Variants in SORCS2 observed in about 807,000 individuals in gnomAD.
SORCS2 encodes the protein VPS10 domain-containing receptor SorCS2.
A neutral mutation model predicts 141.6 loss-of-function variants in SORCS2; 100 were observed. The observed-to-expected ratio is 0.71, with a 90% CI of 0.60 to 0.83. The LOEUF is 0.83. Among genes scored for constraint, SORCS2 ranks in the 40% least tolerant of loss-of-function variants. SORCS2 has a pLI of 0.00. For missense variants in SORCS2, 1,646 were observed against 1,560.2 expected, an observed-to-expected ratio of 1.05 and a Z score of -0.93; for synonymous variants, 789 against 676.9, an observed-to-expected ratio of 1.17 and a Z score of -2.57.
intron 1 of SORCS2, among the ~76,000 whole-genome samples, chr4:7,309,776 T>C (rs978046952): frequency 2.6e-5 from 4 of 152,106 alleles, no homozygotes; most frequent in Non-Finnish European, 4.4e-5. Context: ...TGTGTAGCTG[T>C]GTCCAGGCTG....
chr4:7,202,095 C>T (rs1727513102), intron 1 of SORCS2, among the ~76,000 whole-genome samples: 2 of 152,192 alleles, frequency 1.3e-5, no homozygotes, highest in South Asian at 4.1e-4. Flanking sequence ...GTACCTCTCT[C>T]CCCGCTCCCA....
rs1443123817 is a variant in SORCS2 at position 7,193,255 on chromosome 4, C to T, written c.480+129C>T. 1 of 1,207,622 alleles carries T rather than the reference C, an allele frequency of 8.3e-7. No individual in the cohort carries two copies. Among genetic ancestry groups the T allele is most frequent in the Non-Finnish European group, 1.1e-6 (1 of 946,848 alleles). 74.8% of individuals were successfully genotyped at this position (1,207,622 alleles called of 1,614,324 possible). On this transcript the variant is annotated intron_variant, in intron 1 of 26. Transcript: ENST00000507866. The surrounding 1 kb of genome is among the most constrained non-coding windows in gnomAD (Gnocchi z 4.8). The stretch of plus-strand genomic sequence containing the variant: ...AGGGGCGGGTTCTTGGCGACTTGGG[C>T]ACTTGGGTCACCTCGGCCGCGCCCC...
chr4:7,653,917 C>T (rs1287362883), intron 4 of SORCS2, among the ~76,000 whole-genome samples: 1 of 152,236 alleles, frequency 6.6e-6, no homozygotes, highest in Admixed American at 6.5e-5. Context: ...ACCTCATCTC[C>T]TGGCTCCTGC....
At chr4:7,515,016 G>A (rs944623158) in intron 2 of SORCS2, among the ~76,000 whole-genome samples, 1 of 152,206 alleles carries the variant, frequency 6.6e-6, no homozygotes, top group Admixed American at 6.5e-5. Flanking sequence ...GGACAACCCA[G>A]ACTTGTGGCG....
intron 3 of SORCS2, among the ~76,000 whole-genome samples, chr4:7,597,131 TA>T (rs1717321899): frequency 6.8e-6 from 1 of 146,272 alleles, no homozygotes; most frequent in Non-Finnish European, 1.5e-5. Context: ...GCTATTGCAA[TA>T]GGGGAGGGGA....
At chr4:7,545,820 C>A (rs11721353) in intron 3 of SORCS2, among the ~76,000 whole-genome samples, 5 of 152,108 alleles carry the variant, frequency 3.3e-5, no homozygotes, top group Admixed American at 1.3e-4. Context: ...CCTCCGTCAG[C>A]TCGGATGGCT....
chr4:7,215,236 C>T (rs1421881958), intron 1 of SORCS2, among the ~76,000 whole-genome samples: 7 of 152,162 alleles, frequency 4.6e-5, no homozygotes, highest in African/African-American at 1.7e-4. Flanking sequence ...GCAGGCCGGC[C>T]CTGCTGGCCC....
At chr4:7,401,878 T>G (rs1724616993) in intron 2 of SORCS2, among the ~76,000 whole-genome samples, 1 of 152,178 alleles carries the variant, frequency 6.6e-6, no homozygotes, top group African/African-American at 2.4e-5. Context: ...GGATAGGAAG[T>G]GATTCTTTTT....
intron 2 of SORCS2, among the ~76,000 whole-genome samples, chr4:7,488,029 G>T (rs114118240): frequency 0.011 from 1,701 of 152,306 alleles, 9 homozygotes; most frequent in Non-Finnish European, 0.017. Flanking sequence ...GTAGCCCTGC[G>T]ATGGCCAGTA....
intron 2 of SORCS2, among the ~76,000 whole-genome samples, chr4:7,407,828 T>A (rs562934973): frequency 6.6e-6 from 1 of 152,234 alleles, no homozygotes; most frequent in East Asian, 1.9e-4. Context: ...TGATACTTAT[T>A]TTTATTAAAT....
In SORCS2 at chr4:7,549,298, T is replaced by G. The variant is rs180760328; in HGVS notation, c.648+17669T>G. 3.5e-3 allele frequency among the ~76,000 whole-genome samples: 526 copies of G among 152,226 alleles called. 8 individuals carry two copies. Among genetic ancestry groups the G allele is most frequent in the African/African-American group, 0.012 (493 of 41,534 alleles). ...GCTTCTTTCAACTCAGCAGCAAGTC[T>G]ATCGATTTGAAGCTTGAAAGGAACT... On this transcript the variant is annotated intron_variant, in intron 3 of 26. Transcript: ENST00000507866.
chr4:7,386,131 G>A (rs531045763), intron 1 of SORCS2, among the ~76,000 whole-genome samples: 25 of 150,398 alleles, frequency 1.7e-4, no homozygotes, highest in South Asian at 1.1e-3. Flanking sequence ...ATGTACACAC[G>A]CACACATGCA....
chr4:7,235,956 A>C lies in SORCS2; in HGVS notation c.480+42830A>C, dbSNP rs546279394. Among the ~76,000 whole-genome samples the C allele has an allele frequency of 1.5e-4, 23 of 152,278 alleles. No homozygotes were observed. In the East Asian group the frequency reaches 3.7e-3, roughly 24 times the overall value. The stretch of plus-strand genomic sequence containing the variant: ...GTTGCCAAGCCTTGAAAGAGTCTCC[A>C]CGCACTCATAAATCTTTACTAGATG... On this transcript the variant is annotated intron_variant, in intron 1 of 26. Transcript: ENST00000507866.
At chr4:7,255,613 T>A (rs1157547058) in intron 1 of SORCS2, among the ~76,000 whole-genome samples, 1 of 152,190 alleles carries the variant, frequency 6.6e-6, no homozygotes, top group Non-Finnish European at 1.5e-5. Flanking sequence ...AGAAGCTGGT[T>A]AGCCTCGTCT....
intron 2 of SORCS2, among the ~76,000 whole-genome samples, chr4:7,421,055 C>T (rs1726010392): frequency 6.6e-6 from 1 of 152,172 alleles, no homozygotes; most frequent in African/African-American, 2.4e-5. Flanking sequence ...GCCTGGTTCC[C>T]AGTTCTCTCT....
chr4:7,374,159 CT>C (rs1258146996), intron 1 of SORCS2, among the ~76,000 whole-genome samples: 1 of 146,142 alleles, frequency 6.8e-6, no homozygotes, highest in Non-Finnish European at 1.5e-5. Context: ...TTCTTTCTTT[CT>C]TTCTTTCTTT....
chr4:7,273,579 G>A (rs909020759), intron 1 of SORCS2, among the ~76,000 whole-genome samples: 5 of 152,190 alleles, frequency 3.3e-5, no homozygotes, highest in Admixed American at 6.5e-5. Context: ...AAGTGGACAT[G>A]GAGGGCCCCA....
chr4:7,438,569 ATTC>A (rs1269068798), intron 2 of SORCS2, among the ~76,000 whole-genome samples: 2 of 152,028 alleles, frequency 1.3e-5, no homozygotes, highest in South Asian at 4.1e-4. Context: ...ATTAGTTTGT[ATTC>A]TTCTGTGAAT....
At chr4:7,557,330 T>C (rs914172685) in intron 3 of SORCS2, among the ~76,000 whole-genome samples, 1 of 152,028 alleles carries the variant, frequency 6.6e-6, no homozygotes, top group African/African-American at 2.4e-5. Context: ...TGGCAAATGG[T>C]TTCTCATATC....
Sources: gnomAD v4.1 joint callset for allele counts (sites outside exome capture counted in the v4.1 genomes callset) on GRCh38, gnomAD v4.1.1 for gene constraint, Gnocchi (gnomAD v3.1) non-coding constraint, MANE v1.5 for transcripts, NCBI Gene and HGNC (gene_info 2026-07-23, HGNC 2026-07-21) for gene names.